Variants in TMEM273 observed in about 807,000 individuals in gnomAD.
TMEM273 encodes chromosome 10 open reading frame 128.
Under a neutral mutation model 17.9 loss-of-function variants are expected in TMEM273, and 19 were observed. The ratio of observed to expected loss-of-function variants is 1.06; its 90% CI spans 0.74 to 1.55. The LOEUF is 1.55. Among genes scored for constraint, TMEM273 ranks in the 40% most tolerant of loss-of-function variants. The probability of loss-of-function intolerance (pLI) is 0.00; values close to 1 mark genes in which losing one functional copy is unlikely to be tolerated. For synonymous variants in TMEM273, 66 were observed against 62.0 expected (o/e 1.07, Z -0.31); for missense variants, 194 against 155.6 (o/e 1.25, Z -1.31).
At chr10:49,157,401 A>G (rs893598945) in intron 6 of TMEM273, among the ~76,000 whole-genome samples, 4 of 152,248 alleles carry the variant, frequency 2.6e-5, no homozygotes, top group Non-Finnish European at 5.9e-5. Context: ...GGCTGGCATC[A>G]TGAGAAAGAG....
At chr10:49,177,575 A>T (rs906151123) in intron 1 of TMEM273, among the ~76,000 whole-genome samples, 1 of 152,190 alleles carries the variant, frequency 6.6e-6, no homozygotes, top group Non-Finnish European at 1.5e-5. Flanking sequence ...AAGTGACGTG[A>T]CCTCTTCAGG....
chr10:49,172,526 T>G (rs1846643666), intron 1 of TMEM273, among the ~76,000 whole-genome samples: 1 of 152,060 alleles, frequency 6.6e-6, no homozygotes, highest in African/African-American at 2.4e-5. Context: ...CCCTACTCAC[T>G]GGGGAAAGGG....
intron 4 of TMEM273, chr10:49,165,497 G>A: frequency 7.0e-7 from 1 of 1,431,652 alleles, no homozygotes; most frequent in Non-Finnish European, 9.2e-7. Context: ...AGGGGTCTGA[G>A]TGGGGGTGGA....
rs375388588 is a variant in TMEM273, at chr10:49,155,896, T to G, written c.386A>C (p.Asp129Ala). The change falls in exon 7 of 7, where the codon GAT becomes GCT. Residue 129 changes from aspartate (D) to alanine (A), a missense_variant. Asp to Ala is a moderately radical substitution (Grantham distance 126, BLOSUM62 -2). Transcript: ENST00000374153. ...ACGTCACTGCTCACCTACAGCTCAA[T>G]CACCTGTGCATCTCTGGAAAGGAAG... is the stretch of plus-strand genomic sequence containing the variant. ...PQFLQKRCTG[D>A] 1 of 1,614,060 alleles carries G rather than the reference T, an allele frequency of 6.2e-7. No homozygotes were observed. The highest frequency in any genetic ancestry group is 1.3e-5 in the African/African-American group (1 of 74,918).
intron 1 of TMEM273, among the ~76,000 whole-genome samples, chr10:49,182,845 A>G (rs1038015500): frequency 2.0e-5 from 3 of 152,188 alleles, no homozygotes; most frequent in Non-Finnish European, 2.9e-5. Flanking sequence ...AGCCTTCCTC[A>G]GGCATCCCGT....
chr10:49,159,703 GAGAGAGAGTGAGAGAGAGAC>G (rs61664460), intron 6 of TMEM273, among the ~76,000 whole-genome samples: 41,400 of 148,796 alleles, frequency 0.28, 5,962 homozygotes, highest in South Asian at 0.38. Context: ...AAATAAAAGA[GAGAGAGAGTGAGAGAGAGAC>G]AGAGAGAGTG....
chr10:49,167,828 T>G (rs1846293877), intron 2 of TMEM273, 81 bp downstream of exon 2: 1 of 1,560,506 alleles, frequency 6.4e-7, no homozygotes, highest in Non-Finnish European at 8.8e-7. Flanking sequence ...ATTCCAGCAC[T>G]GCGGCCCTCT....
chr10:49,158,573 G>A (rs1243312000), intron 6 of TMEM273, among the ~76,000 whole-genome samples: 1 of 152,152 alleles, frequency 6.6e-6, no homozygotes, highest in African/African-American at 2.4e-5. Flanking sequence ...GAGGGAACCA[G>A]CCCCACCAGA....
At chr10:49,169,944 G>C (rs1365332857) in intron 1 of TMEM273, among the ~76,000 whole-genome samples, 1 of 152,188 alleles carries the variant, frequency 6.6e-6, no homozygotes, top group African/African-American at 2.4e-5. Context: ...ACAGGGGAGG[G>C]CAGGGCCTCA....
chr10:49,164,413 G>A (rs751741227), intron 5 of TMEM273, among the ~76,000 whole-genome samples: 14 of 152,008 alleles, frequency 9.2e-5, no homozygotes, highest in African/African-American at 2.9e-4. Flanking sequence ...GTCTCTGTCC[G>A]GGCTTCCAGC....
At chr10:49,156,777 C>T (rs770667222) in intron 6 of TMEM273, among the ~76,000 whole-genome samples, 2 of 152,122 alleles carry the variant, frequency 1.3e-5, no homozygotes, top group African/African-American at 2.4e-5. Context: ...ATTTGACTAC[C>T]CCATATTTGA....
At chr10:49,186,024 GA>G (rs1359175412) in intron 1 of TMEM273, among the ~76,000 whole-genome samples, 1 of 146,322 alleles carries the variant, frequency 6.8e-6, no homozygotes, top group Admixed American at 7.0e-5. Flanking sequence ...GGAGGAAGAA[GA>G]AGAAGAAGAA....
intron 3 of TMEM273, 173 bp downstream of exon 3, chr10:49,166,696 C>T (rs1846205090): frequency 1.1e-6 from 1 of 889,542 alleles, no homozygotes; most frequent in Non-Finnish European, 1.7e-6. Flanking sequence ...GAAAGAGAAA[C>T]AGAGGCAAAG....
chr10:49,165,293 A>G lies in TMEM273; in HGVS notation c.270-10T>C. 1 of 1,550,602 alleles carries G rather than the reference A, an allele frequency of 6.4e-7. No individual in the cohort carries two copies. The highest frequency in any genetic ancestry group is 1.2e-5 in the South Asian group (1 of 84,060). On this transcript the variant is annotated splice_polypyrimidine_tract_variant and intron_variant, in intron 4 of 6. Transcript: ENST00000374153. ...CGAGGCTTGCAGCTTTCTGGCAAAG[A>G]GCATTCCAATTACAGAAAACAGCAA...
rs7081097 is a variant in TMEM273 at position 49,155,409 on chromosome 10, C to A, written c.*483G>T. The A allele has an allele frequency of 0.21, 37,067 of 177,302 alleles. 4,107 individuals carry two copies. Among genetic ancestry groups the A allele is most frequent in the African/African-American group, 0.29 (12,146 of 41,884 alleles). The allele number at this position is 177,302 out of a possible 1,614,324, so 11.0% of individuals were successfully genotyped here. On this transcript the variant is annotated 3_prime_UTR_variant, in exon 7 of 7. Transcript: ENST00000374153. Reference sequence around the variant, plus strand: ...ATGTTTCAGGACTCCCGAATCTTCACATAGTCCATCTTTAAGAAGGGATCT... The same window carrying A: ...ATGTTTCAGGACTCCCGAATCTTCAAATAGTCCATCTTTAAGAAGGGATCT...
chr10:49,167,492 C>T (rs980398780), intron 2 of TMEM273, among the ~76,000 whole-genome samples: 4 of 152,220 alleles, frequency 2.6e-5, no homozygotes, highest in Non-Finnish European at 5.9e-5. Flanking sequence ...GAGTCATGGG[C>T]GTCCAGAGCC....
In TMEM273 at chr10:49,179,592, A is replaced by C. The variant is rs148872887; in HGVS notation, c.43+8702T>G. On this transcript the variant is annotated intron_variant, in intron 1 of 6. Coordinates refer to ENST00000374153, the MANE Select transcript of TMEM273 (RefSeq NM_001288740.3). The stretch of plus-strand genomic sequence containing the variant: ...TATTCCTCTCACTAAGCATAGCTAA[A>C]ATCCCTAAATATTATATTAAAAAAA... 8.0e-3 allele frequency among the ~76,000 whole-genome samples: 1,214 copies of C among 152,318 alleles called. 7 individuals are homozygous for C. The highest frequency in any genetic ancestry group is 0.013 in the Non-Finnish European group (853 of 68,030).
At chr10:49,162,519 T>C (rs1162652932) in intron 5 of TMEM273, among the ~76,000 whole-genome samples, 1 of 152,214 alleles carries the variant, frequency 6.6e-6, no homozygotes, top group Non-Finnish European at 1.5e-5. Flanking sequence ...TCCCCCTCAA[T>C]GTGTGCCAGG....
intron 1 of TMEM273, among the ~76,000 whole-genome samples, chr10:49,168,759 C>G (rs1846366075): frequency 6.6e-6 from 1 of 151,972 alleles, no homozygotes; most frequent in South Asian, 2.1e-4. Context: ...AGAGAGCATG[C>G]TGTAAGGGTC....
Sources: allele counts gnomAD v4.1 joint callset (sites outside exome capture counted in the v4.1 genomes callset), GRCh38; gene constraint gnomAD v4.1.1; transcripts MANE v1.5; gene names NCBI Gene and HGNC (gene_info 2026-07-23, HGNC 2026-07-21).